KCNMA1: variants seen among roughly 807,000 people sequenced by gnomAD.
The protein encoded by KCNMA1 is Calcium-activated potassium channel subunit alpha-1.
Under a neutral mutation model 140.0 loss-of-function variants are expected in KCNMA1, and 29 were observed. The observed-to-expected ratio is 0.21, with a 90% CI of 0.15 to 0.28. The LOEUF (loss-of-function observed/expected upper bound fraction) is 0.28. Among genes scored for constraint, KCNMA1 ranks in the 10% least tolerant of loss-of-function variants. The pLI is 1.00. For missense variants in KCNMA1, 880 were observed against 1,602.2 expected, an observed-to-expected ratio of 0.55 and a Z score of 7.70; for synonymous variants, 612 against 611.9, an observed-to-expected ratio of 1.00 and a Z score of 0.00.
At chr10:77,430,103 C>G (rs996800816) in intron 1 of KCNMA1, among the ~76,000 whole-genome samples, 1 of 152,176 alleles carries the variant, frequency 6.6e-6, no homozygotes, top group East Asian at 1.9e-4. Context: ...AAAGAGTGAA[C>G]TTTGTCATGC....
intron 25 of KCNMA1, chr10:76,901,637 C>T (rs1340698205): frequency 6.6e-6 from 1 of 152,234 alleles, no homozygotes. Context: ...TCAAAGAGTG[C>T]ATGACTTTTA....
At chr10:77,086,014 G>A (rs917328999) in intron 11 of KCNMA1, among the ~76,000 whole-genome samples, 1 of 151,994 alleles carries the variant, frequency 6.6e-6, no homozygotes, top group African/African-American at 2.4e-5. Context: ...CGTCTTAGAT[G>A]GGGAAAAAAG....
intron 1 of KCNMA1, among the ~76,000 whole-genome samples, chr10:77,415,368 C>G (rs778240662): frequency 3.9e-5 from 6 of 152,162 alleles, no homozygotes; most frequent in South Asian, 2.1e-4. Flanking sequence ...TTAGTAGAGT[C>G]CTCAGCCAGG....
At chr10:77,282,750 G>A (rs926641454) in intron 2 of KCNMA1, among the ~76,000 whole-genome samples, 15 of 115,312 alleles carry the variant, frequency 1.3e-4, no homozygotes, top group African/African-American at 2.2e-4. Flanking sequence ...GTGGCTGGGC[G>A]GGTGGTGTGC....
chr10:77,465,663 A>G (rs1158033299), intron 1 of KCNMA1, among the ~76,000 whole-genome samples: 3 of 152,246 alleles, frequency 2.0e-5, no homozygotes, highest in Non-Finnish European at 4.4e-5. Flanking sequence ...GGCAAACAGC[A>G]GGCATTTAAT....
chr10:76,913,918 A>G, intron 24 of KCNMA1: 1 of 658,618 alleles, frequency 1.5e-6, no homozygotes. Flanking sequence ...CAGAGCCACA[A>G]ATAAAACACA....
chr10:77,560,429 C>T (rs796748633), intron 1 of KCNMA1, among the ~76,000 whole-genome samples: 1 of 152,244 alleles, frequency 6.6e-6, no homozygotes, highest in African/African-American at 2.4e-5. Flanking sequence ...TTTTGAAAGC[C>T]CCTGATCTAG....
rs959090668 is a variant in KCNMA1 at position 77,555,385 on chromosome 10, G to GA, written c.378+81879dup. On this transcript the variant is annotated intron_variant, in intron 1 of 27. Transcript: ENST00000286628. ...GACTGAAGACCTCATGGGGCAGAAA[G>GA]AAAAAAAACAGAAAGGTAGCTCTTG... is the stretch of plus-strand genomic sequence containing the variant. 1.9e-3 allele frequency among the ~76,000 whole-genome samples: 295 copies of GA among 151,368 alleles called. 1 individual carries two copies. The highest frequency in any genetic ancestry group is 6.8e-3 in the African/African-American group (282 of 41,324).
intron 1 of KCNMA1, among the ~76,000 whole-genome samples, chr10:77,607,376 G>T (rs2154567354): frequency 6.6e-6 from 1 of 152,218 alleles, no homozygotes; most frequent in South Asian, 2.1e-4. Flanking sequence ...ATGCTGAGGT[G>T]GGCTGAATCA....
rs138986201 is a variant in KCNMA1 at position 77,483,377 on chromosome 10, C to T, written c.379-79354G>A. Reference sequence around the variant, plus strand: ...TTTTTCCTGCCATCCCTATTCATCACCAGCCTCCTGAGGAGCCGGGGTGGT... The same window carrying T: ...TTTTTCCTGCCATCCCTATTCATCATCAGCCTCCTGAGGAGCCGGGGTGGT... On this transcript the variant is annotated intron_variant, in intron 1 of 27. Transcript: ENST00000286628. Among the ~76,000 whole-genome samples the T allele has an allele frequency of 6.5e-3, 983 of 152,350 alleles. 2 individuals carry two copies. Among genetic ancestry groups the T allele is most frequent in the Middle Eastern group, 0.024 (7 of 294 alleles).
At chr10:77,601,539 T>C (rs533116416) in intron 1 of KCNMA1, among the ~76,000 whole-genome samples, 3 of 152,288 alleles carry the variant, frequency 2.0e-5, no homozygotes, top group Non-Finnish European at 2.9e-5. Flanking sequence ...ACATATTGAC[T>C]CTCCTTTCAT....
chr10:77,007,358 T>C (rs1010395812), intron 18 of KCNMA1, among the ~76,000 whole-genome samples: 2 of 152,128 alleles, frequency 1.3e-5, no homozygotes, highest in Non-Finnish European at 2.9e-5. Flanking sequence ...GGGTGTGTCC[T>C]ACTGAGTACT....
chr10:77,281,047 G>A (rs1001399222), intron 2 of KCNMA1, among the ~76,000 whole-genome samples: 1 of 152,140 alleles, frequency 6.6e-6, no homozygotes, highest in African/African-American at 2.4e-5. Flanking sequence ...AGGACTGATG[G>A]AGAAAATAGG....
At chr10:77,212,511 G>A (rs1333830336) in intron 3 of KCNMA1, among the ~76,000 whole-genome samples, 2 of 152,020 alleles carry the variant, frequency 1.3e-5, no homozygotes. Flanking sequence ...CGCTACCTGG[G>A]TGCAATATAT....
At chr10:77,185,702 G>A (rs1191612230) in intron 3 of KCNMA1, among the ~76,000 whole-genome samples, 1 of 151,616 alleles carries the variant, frequency 6.6e-6, no homozygotes, top group African/African-American at 2.4e-5. Context: ...AGTTCAAAAG[G>A]GTACTACTAT....
chr10:77,294,657 G>A (rs780255483), intron 2 of KCNMA1, among the ~76,000 whole-genome samples: 1 of 152,200 alleles, frequency 6.6e-6, no homozygotes, highest in Non-Finnish European at 1.5e-5. Context: ...AGTGACTCAC[G>A]CCTGTAATCC....
chr10:77,159,900 C>T (rs560693409), intron 5 of KCNMA1, among the ~76,000 whole-genome samples: 9 of 152,314 alleles, frequency 5.9e-5, no homozygotes, highest in Non-Finnish European at 1.0e-4. Context: ...TCATTCATGT[C>T]TAAATTCACA....
chr10:77,118,543 T>C (rs1460373445), intron 6 of KCNMA1, among the ~76,000 whole-genome samples: 1 of 152,206 alleles, frequency 6.6e-6, no homozygotes, highest in Non-Finnish European at 1.5e-5. Flanking sequence ...TACCCAAAGT[T>C]TCCCCAAGTG....
In KCNMA1 at chr10:77,586,344, G is replaced by A. The variant is rs776011679; in HGVS notation, c.378+50921C>T. The A allele has an allele frequency of 3.3e-5, 5 of 152,272 alleles. No homozygotes were observed. In the East Asian group the frequency reaches 5.8e-4, roughly 18 times the overall value. 9.4% of individuals were successfully genotyped at this position (152,272 alleles called of 1,614,324 possible). On this transcript the variant is annotated intron_variant, in intron 1 of 27. Transcript: ENST00000286628. The stretch of plus-strand genomic sequence containing the variant: ...GGATGCAGACCGTTGCATGTTCGAC[G>A]TCCTTTTCTTGTGCTCCATATGAAA...
Sources: allele counts gnomAD v4.1 joint callset (sites outside exome capture counted in the v4.1 genomes callset), GRCh38; gene constraint gnomAD v4.1.1; transcripts MANE v1.5; gene names NCBI Gene and HGNC (gene_info 2026-07-23, HGNC 2026-07-21).